The following RWDD1 variants were observed in gnomAD, a reference collection of about 807,000 sequenced individuals.
RWDD1 encodes the protein RWD domain containing 1, also known as RWD domain-containing protein 1.
RWDD1 carries 17 observed loss-of-function variants against 31.6 expected under a neutral mutation model. The ratio of observed to expected loss-of-function variants is 0.54; its 90% CI spans 0.37 to 0.81. RWDD1 has a LOEUF of 0.81. Among genes scored for constraint, RWDD1 ranks in the 30% least tolerant of loss-of-function variants. RWDD1 has a pLI of 0.00. For synonymous variants in RWDD1, 78 were observed against 94.2 expected, an observed-to-expected ratio of 0.83 and a Z score of 0.99; for missense variants, 204 against 274.5, an observed-to-expected ratio of 0.74 and a Z score of 1.82.
chr6:116,574,647 A>T (rs112846644), intron 1 of RWDD1, among the ~76,000 whole-genome samples: 61 of 150,242 alleles, frequency 4.1e-4, no homozygotes, highest in Admixed American at 1.3e-3. Context: ...CCAACAACTT[A>T]CTTTCTTTCT....
At chr6:116,592,231 A>C (rs1775158086) in intron 6 of RWDD1, among the ~76,000 whole-genome samples, 1 of 152,146 alleles carries the variant, frequency 6.6e-6, no homozygotes. Flanking sequence ...TTCATCTTCC[A>C]GTTAGAATTA....
chr6:116,571,537 G>C lies in RWDD1; in HGVS notation c.-46G>C, dbSNP rs377002597. ...GCGGCAGCTGTCTGGGCTGCTGCGC[G>C]CCGCCTAGGTGTCTGGGCGATCTAT... On this transcript the variant is annotated 5_prime_UTR_variant, in exon 1 of 7. Coordinates refer to ENST00000466444, the MANE Select transcript of RWDD1 (RefSeq NM_015952.4). 675 of 1,583,996 alleles carry C rather than the reference G, an allele frequency of 4.3e-4. No homozygotes were observed. The highest frequency in any genetic ancestry group is 5.6e-4 in the Non-Finnish European group (653 of 1,163,064).
chr6:116,596,459 G>T lies in RWDD1; in HGVS notation c.*3358G>T, dbSNP rs2115341425. 6.6e-6 allele frequency: 1 copy of T among 152,294 alleles called. No homozygotes were observed. Among genetic ancestry groups the T allele is most frequent in the Non-Finnish European group, 1.5e-5 (1 of 68,024 alleles). The allele number at this position is 152,294 out of a possible 1,614,324, so 9.4% of individuals were successfully genotyped here. On this transcript the variant is annotated 3_prime_UTR_variant, in exon 7 of 7. Transcript: ENST00000466444. ...TTCACTTAAGTTACTTGTGTCAGAG[G>T]ATGGATGATGGGGTCATTTAAATTG...
intron 2 of RWDD1, 79 bp downstream of exon 2, chr6:116,580,439 A>T (rs955152160): frequency 9.5e-7 from 1 of 1,055,204 alleles, no homozygotes; most frequent in Non-Finnish European, 1.4e-6. Context: ...TATGCTGGAT[A>T]TTGTCATGTG....
At chr6:116,590,426 T>C (rs1247252544) in intron 5 of RWDD1, 22 bp downstream of exon 5, 4 of 1,567,610 alleles carry the variant, frequency 2.6e-6, no homozygotes, top group Non-Finnish European at 3.4e-6. Context: ...CTGCCATTCC[T>C]GTTCTTCCTA....
At chr6:116,580,381 T>A (rs368817902) in intron 2 of RWDD1, 21 bp downstream of exon 2, 2 of 1,551,080 alleles carry the variant, frequency 1.3e-6, no homozygotes, top group South Asian at 2.3e-5. Flanking sequence ...TAAAAAATAC[T>A]TGTGGTTTTT....
intron 5 of RWDD1, 69 bp from the exon 6 acceptor site, chr6:116,590,819 T>C (rs1775128722): frequency 5.3e-6 from 8 of 1,505,052 alleles, no homozygotes; most frequent in African/African-American, 1.5e-5. Flanking sequence ...ATTTGCTTTC[T>C]AAGTATTGTA....
chr6:116,582,952 CTTTTTT>C lies in RWDD1; in HGVS notation c.140-1765_140-1760del, dbSNP rs56123912. On this transcript the variant is annotated intron_variant, in intron 2 of 6. Transcript: ENST00000466444. ...TTTTGGTATGATGTGTTTCCATTTT[CTTTTTT>C]TTTTTTTTTAATTTTTAAAATTTTA... 1.2e-3 allele frequency among the ~76,000 whole-genome samples: 167 copies of C among 137,146 alleles called. 2 individuals carry two copies. The highest frequency in any genetic ancestry group is 3.7e-3 in the South Asian group (16 of 4,334). The allele number at this position is 137,146 out of a possible 152,430, so 90.0% of individuals were successfully genotyped here. A position where few individuals can be genotyped will look rare whatever the true frequency, so the allele number is the denominator to read the frequency against.
chr6:116,580,198 G>T, intron 1 of RWDD1, 97 bp from the exon 2 acceptor site: 1 of 679,630 alleles, frequency 1.5e-6, no homozygotes, highest in South Asian at 2.2e-5. Context: ...ATAGCCTAGG[G>T]ACCAGTTTCT....
At chr6:116,590,789 A>T in intron 5 of RWDD1, 99 bp from the exon 6 acceptor site, 1 of 1,452,372 alleles carries the variant, frequency 6.9e-7, no homozygotes, top group Non-Finnish European at 9.1e-7. Flanking sequence ...ATTGAAATTC[A>T]CAGAAAAAGA....
At chr6:116,575,719 G>A (rs1353366545) in intron 1 of RWDD1, among the ~76,000 whole-genome samples, 3 of 152,202 alleles carry the variant, frequency 2.0e-5, no homozygotes, top group African/African-American at 4.8e-5. Flanking sequence ...GAGAGTTGTG[G>A]CAGCTCTATT....
rs1289367722 is a variant in RWDD1 at position 116,593,562 on chromosome 6, G to A, written c.*461G>A. The A allele has an allele frequency of 6.6e-6, 1 of 152,508 alleles. No individual in the cohort carries two copies. The highest frequency in any genetic ancestry group is 1.5e-5 in the Non-Finnish European group (1 of 68,294). The allele number at this position is 152,508 out of a possible 1,614,324, so 9.4% of individuals were successfully genotyped here. A position where few individuals can be genotyped will look rare whatever the true frequency, so the allele number is the denominator to read the frequency against. On this transcript the variant is annotated 3_prime_UTR_variant, in exon 7 of 7. Coordinates refer to ENST00000466444, the MANE Select transcript of RWDD1 (RefSeq NM_015952.4). ...AATTTAAGTCTTGATAAAACCAGGAGGCCATATTATGATCATAAGTAAGAT... is the reference window on the plus strand; with the variant it reads ...AATTTAAGTCTTGATAAAACCAGGAAGCCATATTATGATCATAAGTAAGAT...
Position 116,580,126 on chromosome 6 carries a change from A to C in RWDD1, c.74-169A>C, listed in dbSNP as rs191639320. On this transcript the variant is annotated intron_variant, in intron 1 of 6. Transcript: ENST00000466444. ...AAAGACAACCCTCCATTTAAATAGA[A>C]AGTTGATGGTAATTTTATCATTTCA... 2.6e-3 allele frequency: 1,009 copies of C among 386,016 alleles called. 5 individuals carry two copies. Among genetic ancestry groups the C allele is most frequent in the Middle Eastern group, 8.2e-3 (13 of 1,584 alleles). The allele number at this position is 386,016 out of a possible 1,614,324, so 23.9% of individuals were successfully genotyped here.
intron 2 of RWDD1, among the ~76,000 whole-genome samples, chr6:116,583,679 TAAG>T (rs2115330304): frequency 6.6e-6 from 1 of 151,934 alleles, no homozygotes; most frequent in East Asian, 1.9e-4. Flanking sequence ...AAGTATACCT[TAAG>T]AAAGCTGGGG....
At chr6:116,575,645 A>ATT (rs1774826218) in intron 1 of RWDD1, among the ~76,000 whole-genome samples, 1 of 152,244 alleles carries the variant, frequency 6.6e-6, no homozygotes, top group Non-Finnish European at 1.5e-5. Context: ...CATCTGTGAC[A>ATT]GAAAACCCCC....
At chr6:116,575,446 T>C (rs1774822255) in intron 1 of RWDD1, among the ~76,000 whole-genome samples, 3 of 152,200 alleles carry the variant, frequency 2.0e-5, no homozygotes, top group Admixed American at 2.0e-4. Flanking sequence ...TGAAGACTAA[T>C]CTTTCTTCTA....
At chr6:116,573,888 A>G (rs1409742822) in intron 1 of RWDD1, among the ~76,000 whole-genome samples, 4 of 152,102 alleles carry the variant, frequency 2.6e-5, no homozygotes, top group Admixed American at 6.5e-5. Context: ...ACGTGACCCC[A>G]TGTGGATGCT....
chr6:116,590,316 T>C lies in RWDD1; in HGVS notation c.459T>C (p.Asn153=), dbSNP rs113957513. ...GTPVTIENFL[N]WKAKFDAELL... ...CAGTTACAATTGAGAATTTCTTAAA[T>C]TGGAAAGCCAAGTTTGATGCAGAAC... Residue 153 remains asparagine, a synonymous_variant, in exon 5 of 7, where the codon AAT becomes AAC. Coordinates refer to ENST00000466444, the MANE Select transcript of RWDD1 (RefSeq NM_015952.4). The C allele has an allele frequency of 6.3e-4, 1,000 of 1,598,478 alleles. 8 individuals are homozygous for C. In the African/African-American group the frequency reaches 0.012, roughly 19 times the overall value.
chr6:116,573,658 A>C (rs950103945), intron 1 of RWDD1, among the ~76,000 whole-genome samples: 1 of 152,160 alleles, frequency 6.6e-6, no homozygotes, highest in Non-Finnish European at 1.5e-5. Context: ...TTTTGTATTT[A>C]TGATTCCATA....
Sources: allele counts gnomAD v4.1 joint callset (sites outside exome capture counted in the v4.1 genomes callset), GRCh38; gene constraint gnomAD v4.1.1; transcripts MANE v1.5; gene names NCBI Gene and HGNC (gene_info 2026-07-23, HGNC 2026-07-21).